The following NRDE2 variants were observed in gnomAD, a reference collection of about 807,000 sequenced individuals.
NRDE2 encodes nuclear exosome regulator NRDE2.
NRDE2 carries 76 observed loss-of-function variants against 124.2 expected under a neutral mutation model. The observed-to-expected ratio is 0.61, with a 90% CI of 0.51 to 0.74. The LOEUF is 0.74. NRDE2 is among the 30% of genes least tolerant of loss of function. The pLI, the probability that NRDE2 is intolerant of heterozygous loss-of-function variation, is 0.00. For synonymous variants in NRDE2, 489 were observed against 528.1 expected, an observed-to-expected ratio of 0.93 and a Z score of 1.01; for missense variants, 1,314 against 1,417.3, an observed-to-expected ratio of 0.93 and a Z score of 1.17.
In NRDE2 at chr14:90,274,695, G is replaced by C. The variant is rs1206804886; in HGVS notation, c.*3641C>G. The C allele has an allele frequency of 6.6e-6, 1 of 152,008 alleles. No homozygotes were observed. The highest frequency in any genetic ancestry group is 2.4e-5 in the African/African-American group (1 of 41,356). The allele number at this position is 152,008 out of a possible 1,614,324, so 9.4% of individuals were successfully genotyped here. ...CTAAGGACACCGAAGCCTATGTGAA[G>C]GGGCTTCCACTGGCCAAACTCGGGA... On this transcript the variant is annotated 3_prime_UTR_variant, in exon 14 of 14. Coordinates refer to ENST00000354366, the MANE Select transcript of NRDE2 (RefSeq NM_017970.4).
rs1891779829 is a variant in NRDE2, at chr14:90,275,308, T to A, written c.*3028A>T. ...GTCCATGCTGACTTCCTGTTCAGTG[T>A]CTGTATCGTGGGCGGGTAGCAGACT... On this transcript the variant is annotated 3_prime_UTR_variant, in exon 14 of 14. Coordinates refer to ENST00000354366, the MANE Select transcript of NRDE2 (RefSeq NM_017970.4). The A allele has an allele frequency of 6.6e-6, 1 of 152,150 alleles. No individual in the cohort carries two copies. The highest frequency in any genetic ancestry group is 2.1e-4 in the South Asian group (1 of 4,816). 9.4% of individuals were successfully genotyped at this position (152,150 alleles called of 1,614,324 possible).
chr14:90,268,191 CT>C lies in NRDE2; in HGVS notation c.*10144del, dbSNP rs34247505. The C allele has an allele frequency of 0.05, 60,308 of 1,201,772 alleles. 19 individuals carry two copies. Among genetic ancestry groups the C allele is most frequent in the Middle Eastern group, 0.073 (225 of 3,098 alleles). 74.4% of individuals were successfully genotyped at this position (1,201,772 alleles called of 1,614,324 possible). A position where few individuals can be genotyped will look rare whatever the true frequency, so the allele number is the denominator to read the frequency against. ...TAAGTTAAAATGGCACTTAAGGTGTCTTTTTTTTTTTTATCTTTTTCATCCA... is the reference window on the plus strand; with the variant it reads ...TAAGTTAAAATGGCACTTAAGGTGTCTTTTTTTTTTTATCTTTTTCATCCA... On this transcript the variant is annotated 3_prime_UTR_variant, in exon 14 of 14. Coordinates refer to ENST00000354366, the MANE Select transcript of NRDE2 (RefSeq NM_017970.4).
In NRDE2 at chr14:90,303,990, C is replaced by T; in HGVS notation, c.950G>A (p.Arg317Lys). ...CGTATCCCGAGGATTCTCCCGCACC[C>T]TCCTGTTAAACTCCTCCACCTTGGC... ...LKAKVEEFNR[R>K]VRENPRDTQL... The change falls in exon 5 of 14, where the codon AGG becomes AAG. Residue 317 changes from arginine (R) to lysine (K), a missense_variant. Arg to Lys is a conservative substitution (Grantham distance 26, BLOSUM62 2). Transcript: ENST00000354366. 1 of 1,613,998 alleles carries T rather than the reference C, an allele frequency of 6.2e-7. No individual in the cohort carries two copies. Among genetic ancestry groups the T allele is most frequent in the Non-Finnish European group, 8.5e-7 (1 of 1,179,908 alleles).
rs1891698569 is a variant in NRDE2 at position 90,272,585 on chromosome 14, C to T, written c.*5751G>A. 1.9e-6 allele frequency: 1 copy of T among 534,584 alleles called. No homozygotes were observed. The allele number at this position is 534,584 out of a possible 1,614,324, so 33.1% of individuals were successfully genotyped here. On this transcript the variant is annotated 3_prime_UTR_variant, in exon 14 of 14. Coordinates refer to ENST00000354366, the MANE Select transcript of NRDE2 (RefSeq NM_017970.4). The surrounding 1 kb of genome is among the most constrained non-coding windows in gnomAD (Gnocchi z 4.5). ...ATTGGGTGGCCTGTTGGTCACTGTG[C>T]AGCAGTCTGCTTCCCAATAAAGCGT... is the stretch of plus-strand genomic sequence containing the variant.
intron 8 of NRDE2, 69 bp downstream of exon 8, chr14:90,298,191 A>C: frequency 6.6e-7 from 1 of 1,508,964 alleles, no homozygotes; most frequent in Admixed American, 1.9e-5. Flanking sequence ...GCAGATAAAT[A>C]ATCATGAGGA....
intron 1 of NRDE2, among the ~76,000 whole-genome samples, chr14:90,319,267 C>T (rs1194561183): frequency 2.6e-5 from 4 of 152,072 alleles, no homozygotes; most frequent in African/African-American, 7.2e-5. Flanking sequence ...GAGGAAGAAC[C>T]CGTTAAATGG....
In NRDE2 at chr14:90,272,715, T is replaced by C. The variant is rs896848769; in HGVS notation, c.*5621A>G. ...TACAGGGAAGCCTTTGGACAGGAACTCAGGCTGCGGTCCCAAGGAGTGTGG... is the reference window on the plus strand; with the variant it reads ...TACAGGGAAGCCTTTGGACAGGAACCCAGGCTGCGGTCCCAAGGAGTGTGG... On this transcript the variant is annotated 3_prime_UTR_variant, in exon 14 of 14. Transcript: ENST00000354366. This position sits in a 1 kb window ranked among gnomAD's most constrained non-coding sequence, Gnocchi z 4.5. The C allele has an allele frequency of 4.3e-6, 1 of 231,684 alleles. No individual in the cohort carries two copies. The highest frequency in any genetic ancestry group is 2.3e-5 in the African/African-American group (1 of 43,320). The allele number at this position is 231,684 out of a possible 1,614,324, so 14.4% of individuals were successfully genotyped here.
intron 3 of NRDE2, among the ~76,000 whole-genome samples, chr14:90,315,155 C>T (rs1158732994): frequency 1.7e-5 from 2 of 120,846 alleles, no homozygotes; most frequent in Non-Finnish European, 1.6e-5. Flanking sequence ...CCAGCCTGGC[C>T]GACAGAGCAA....
chr14:90,312,600 C>T (rs1048139875), intron 3 of NRDE2, 57 bp from the exon 4 acceptor site: 17 of 1,582,210 alleles, frequency 1.1e-5, no homozygotes, highest in Middle Eastern at 1.9e-4. Flanking sequence ...CTTCCAGTGA[C>T]GCAGGTGGCA....
At position 90,289,064 on chromosome 14, in the gene NRDE2, G is replaced by A. The variant is rs868439568; in HGVS notation, c.2311C>T (p.Leu771Phe). The change falls in exon 11 of 14, where the codon CTT (leucine) becomes TTT (phenylalanine). Residue 771 changes from leucine to phenylalanine, a missense_variant. Physicochemically the swap from Leu to Phe is conservative, Grantham distance 22. Coordinates refer to ENST00000354366, the MANE Select transcript of NRDE2 (RefSeq NM_017970.4). ...KNCKKLAKNLLKEPENCNNFC... is the reference protein window; with the variant it reads ...KNCKKLAKNLFKEPENCNNFC... ...TTGTTGCAGTTTTCTGGCTCCTTAA[G>A]GAGATTCTTGGCTAGTTTTTTGCAG... 6.2e-7 allele frequency: 1 copy of A among 1,614,062 alleles called. No individual in the cohort carries two copies. Among genetic ancestry groups the A allele is most frequent in the Non-Finnish European group, 8.5e-7 (1 of 1,179,944 alleles).
chr14:90,285,827 G>T (rs1169444612), intron 12 of NRDE2, among the ~76,000 whole-genome samples: 1 of 151,852 alleles, frequency 6.6e-6, no homozygotes, highest in Non-Finnish European at 1.5e-5. Context: ...TAGAGATGGG[G>T]TATCACCATC....
At position 90,290,457 on chromosome 14, in the gene NRDE2, T is replaced by C. The variant is rs751600503; in HGVS notation, c.1993A>G (p.Ser665Gly). 4.8e-5 allele frequency: 77 copies of C among 1,613,974 alleles called. No homozygotes were observed. Among genetic ancestry groups the C allele is most frequent in the Non-Finnish European group, 3.4e-6 (4 of 1,180,034 alleles). The change falls in exon 10 of 14, where the codon AGC becomes GGC. Residue 665 changes from serine (S) to glycine (G), a missense_variant. Transcript: ENST00000354366. ...SCLYLAMDEN[S>G]IFDNGLYDEK... is the part of the protein sequence containing the mutation. ...TCATAAAGTCCATTATCAAAGATGC[T>C]GTTCTCATCCATGGCCAGATAAAGA...
chr14:90,318,212 C>T, intron 1 of NRDE2, 99 bp from the exon 2 acceptor site: 1 of 851,066 alleles, frequency 1.2e-6, no homozygotes, highest in Non-Finnish European at 1.9e-6. Flanking sequence ...TAATTCACAG[C>T]CAATGCCAGC....
rs758788916 is a variant in NRDE2 at position 90,302,825 on chromosome 14, T to C, written c.1306A>G (p.Lys436Glu). The C allele has an allele frequency of 4.3e-6, 7 of 1,614,180 alleles. No homozygotes were observed. The South Asian group carries it at 7.7e-5, about 18-fold the overall frequency. Reference sequence around the variant, plus strand: ...CATTTTCCATAAAGACTGTGAATTTTTGATATCGAAAAGGTACTAAACTGG... The same window carrying C: ...CATTTTCCATAAAGACTGTGAATTTCTGATATCGAAAAGGTACTAAACTGG... ...QSQFSTFSIS[K>E]IHSLYGKCLS... Residue 436 changes from lysine (K) to glutamate (E), a missense_variant, in exon 6 of 14, where the codon AAA (lysine) becomes GAA (glutamate). Physicochemically the swap from Lys to Glu is moderately conservative, Grantham distance 56 (BLOSUM62 1). Transcript: ENST00000354366.
In NRDE2 at chr14:90,331,899, C is replaced by T; in HGVS notation, c.6G>A (p.Ala2=). 1 of 1,614,122 alleles carries T rather than the reference C, an allele frequency of 6.2e-7. No homozygotes were observed. Among genetic ancestry groups the T allele is most frequent in the South Asian group, 1.1e-5 (1 of 91,088 alleles). ...TAAGCCCCGCAAAGGCTGGGAACAG[C>T]GCCATGACCACAGGCCGTACCTCCG... M[A]LFPAFAGLSE... is the part of the protein sequence containing the mutation. The change falls in exon 1 of 14, where the codon GCG becomes GCA. Residue 2 remains alanine (A), a synonymous_variant. Transcript: ENST00000354366.
At chr14:90,309,706 A>G (rs942748253) in intron 4 of NRDE2, among the ~76,000 whole-genome samples, 3 of 152,212 alleles carry the variant, frequency 2.0e-5, no homozygotes, top group Non-Finnish European at 2.9e-5. Flanking sequence ...CACTTGAGGC[A>G]TTAAGCCCAT....
At position 90,274,830 on chromosome 14, in the gene NRDE2, ACACAC is replaced by A. The variant is rs1891764824; in HGVS notation, c.*3501_*3505del. On this transcript the variant is annotated 3_prime_UTR_variant, in exon 14 of 14. Transcript: ENST00000354366. ...CACACACACACACACACACACACAC[ACACAC>A]ACACCCCAATACATATGAATTGATC... 1 of 90,802 alleles carries A rather than the reference ACACAC, an allele frequency of 1.1e-5. No individual in the cohort carries two copies. Among genetic ancestry groups the A allele is most frequent in the Non-Finnish European group, 2.3e-5 (1 of 43,412 alleles). 5.6% of individuals were successfully genotyped at this position (90,802 alleles called of 1,614,324 possible).
chr14:90,311,787 C>CA (rs1439717486), intron 4 of NRDE2, among the ~76,000 whole-genome samples: 1 of 151,170 alleles, frequency 6.6e-6, no homozygotes, highest in Admixed American at 6.6e-5. Context: ...AAAAAAATCA[C>CA]AAAAAAAGTC....
At chr14:90,318,469 T>C (rs1885129811) in intron 1 of NRDE2, among the ~76,000 whole-genome samples, 1 of 152,220 alleles carries the variant, frequency 6.6e-6, no homozygotes, top group South Asian at 2.1e-4. Context: ...TAGGTTTTTA[T>C]GACCTCAAAT....
Sources: allele counts gnomAD v4.1 joint callset (sites outside exome capture counted in the v4.1 genomes callset), GRCh38; gene constraint gnomAD v4.1.1; non-coding constraint Gnocchi (gnomAD v3.1); transcripts MANE v1.5; gene names NCBI Gene and HGNC (gene_info 2026-07-23, HGNC 2026-07-21).